GPC6: variants seen among roughly 807,000 people sequenced by gnomAD.
GPC6 encodes glypican-6.
A neutral mutation model predicts 55.2 loss-of-function variants in GPC6; 14 were observed. The observed-to-expected ratio is 0.25, with a 90% CI of 0.17 to 0.40. The LOEUF is 0.40. Ranked by LOEUF, GPC6 falls within the 10% of genes least tolerant of loss-of-function variation. The pLI, the probability that GPC6 is intolerant of heterozygous loss-of-function variation, is 1.00. For synonymous variants in GPC6, 278 were observed against 259.6 expected, an observed-to-expected ratio of 1.07 and a Z score of -0.68; for missense variants, 641 against 708.5, an observed-to-expected ratio of 0.90 and a Z score of 1.08.
chr13:94,120,835 A>C (rs1886606802), intron 4 of GPC6, among the ~76,000 whole-genome samples: 1 of 152,124 alleles, frequency 6.6e-6, no homozygotes, highest in Non-Finnish European at 1.5e-5. Flanking sequence ...TTCTCTGATT[A>C]AATAAGATAG....
chr13:94,237,951 G>C (rs770551041), intron 4 of GPC6, among the ~76,000 whole-genome samples: 1 of 152,114 alleles, frequency 6.6e-6, no homozygotes, highest in Non-Finnish European at 1.5e-5. Flanking sequence ...ATGCTGGCTC[G>C]AACTAAGGAG....
chr13:93,964,755 C>G (rs1251667137), intron 3 of GPC6, among the ~76,000 whole-genome samples: 1 of 152,140 alleles, frequency 6.6e-6, no homozygotes, highest in African/African-American at 2.4e-5. Context: ...GTTGTTTCTC[C>G]TATTTCTGAA....
chr13:94,111,390 C>T (rs909680900), intron 4 of GPC6, among the ~76,000 whole-genome samples: 2 of 151,458 alleles, frequency 1.3e-5, no homozygotes, highest in Non-Finnish European at 2.9e-5. Flanking sequence ...TGGGCTGACA[C>T]GTGCAGCAAA....
intron 2 of GPC6, among the ~76,000 whole-genome samples, chr13:93,779,824 T>G (rs543884655): frequency 1.4e-4 from 22 of 152,278 alleles, no homozygotes; most frequent in Middle Eastern, 3.4e-3. Context: ...CCCCAGGTCA[T>G]CTGGTGAATG....
intron 2 of GPC6, among the ~76,000 whole-genome samples, chr13:93,610,953 A>C (rs7334976): frequency 0.079 from 12,077 of 152,134 alleles, 1,581 homozygotes; most frequent in African/African-American, 0.27. Flanking sequence ...AGATATCAGA[A>C]ATTTATGACG....
Position 94,197,120 on chromosome 13 carries a change from TG to T in GPC6, c.878-89228del, listed in dbSNP as rs576224382. Among the ~76,000 whole-genome samples, 353 of 152,246 alleles carry T rather than the reference TG, an allele frequency of 2.3e-3. 1 individual carries two copies. Among genetic ancestry groups the T allele is most frequent in the Admixed American group, 2.5e-3 (38 of 15,294 alleles). ...AGGAAATTACTAAGGCTGCTAGGAC[TG>T]TAGGGAAGATGGAATGGGGTGAAAG... On this transcript the variant is annotated intron_variant, in intron 4 of 8. Coordinates refer to ENST00000377047, the MANE Select transcript of GPC6 (RefSeq NM_005708.5).
intron 3 of GPC6, among the ~76,000 whole-genome samples, chr13:93,959,259 T>C (rs1400381926): frequency 6.6e-6 from 1 of 150,588 alleles, no homozygotes; most frequent in Admixed American, 6.7e-5. Flanking sequence ...GCCTCCCGAG[T>C]TCAAGCGATT....
chr13:93,387,211 GGTTT>G (rs1167666989), intron 1 of GPC6, among the ~76,000 whole-genome samples: 1 of 151,346 alleles, frequency 6.6e-6, no homozygotes, highest in African/African-American at 2.4e-5. Context: ...AGACTGTGCA[GGTTT>G]GTTACATAGG....
rs563592002 is a variant in GPC6 at position 93,973,462 on chromosome 13, G to C, written c.712-54267G>C. The stretch of plus-strand genomic sequence containing the variant: ...GTGACAACAGGGTTAGAACTTTCTA[G>C]TCTTAATAATCAGATGCCCTTTGAT... On this transcript the variant is annotated intron_variant, in intron 3 of 8. Transcript: ENST00000377047. Among the ~76,000 whole-genome samples the C allele has an allele frequency of 4.9e-4, 74 of 152,160 alleles. 1 individual carries two copies. Among genetic ancestry groups the C allele is most frequent in the Non-Finnish European group, 9.4e-4 (64 of 68,012 alleles).
intron 4 of GPC6, among the ~76,000 whole-genome samples, chr13:94,052,229 G>A (rs940274733): frequency 2.0e-5 from 3 of 152,144 alleles, no homozygotes; most frequent in African/African-American, 7.2e-5. Context: ...TTTGAACTGG[G>A]TCTTAAAATA....
At chr13:93,811,948 A>G (rs1432120086) in intron 2 of GPC6, among the ~76,000 whole-genome samples, 1 of 152,172 alleles carries the variant, frequency 6.6e-6, no homozygotes, top group African/African-American at 2.4e-5. Flanking sequence ...GACATGAGGC[A>G]TATCTCAGCT....
At chr13:93,945,150 T>G (rs1878943258) in intron 3 of GPC6, among the ~76,000 whole-genome samples, 1 of 152,164 alleles carries the variant, frequency 6.6e-6, no homozygotes, top group Non-Finnish European at 1.5e-5. Flanking sequence ...AAAAAGAAAG[T>G]ATGCATATAT....
At chr13:93,223,973 C>T (rs1319668149), upstream of GPC6, among the ~76,000 whole-genome samples, 1 of 146,164 alleles carries the variant, frequency 6.8e-6, no homozygotes, top group African/African-American at 2.5e-5. Flanking sequence ...GATCTCGGCT[C>T]ACTGCAAGCT....
intron 1 of GPC6, among the ~76,000 whole-genome samples, chr13:93,374,227 G>T (rs181975925): frequency 2.0e-5 from 3 of 152,278 alleles, no homozygotes; most frequent in Middle Eastern, 3.4e-3. Flanking sequence ...ATCTGAAAAA[G>T]ACTTTAGAAA....
chr13:93,603,132 C>T (rs980075744), intron 2 of GPC6, among the ~76,000 whole-genome samples: 1 of 152,086 alleles, frequency 6.6e-6, no homozygotes, highest in Non-Finnish European at 1.5e-5. Flanking sequence ...ACATTGGCAT[C>T]CTGAGTAGCT....
At chr13:93,750,702 T>G (rs1884548027) in intron 2 of GPC6, among the ~76,000 whole-genome samples, 1 of 152,196 alleles carries the variant, frequency 6.6e-6, no homozygotes, top group African/African-American at 2.4e-5. Context: ...CAAGCCTGAT[T>G]AGTTTTAAAT....
At chr13:93,554,416 C>T (rs1222988085) in intron 2 of GPC6, among the ~76,000 whole-genome samples, 1 of 152,142 alleles carries the variant, frequency 6.6e-6, no homozygotes, top group Non-Finnish European at 1.5e-5. Flanking sequence ...CATCTCTAAT[C>T]TATCCACATG....
intron 1 of GPC6, among the ~76,000 whole-genome samples, chr13:93,233,355 A>AAATC (rs68097829): frequency 4.7e-5 from 4 of 84,876 alleles, no homozygotes; most frequent in South Asian, 7.6e-4. Flanking sequence ...AAAAAAAAAA[A>AAATC]AATCAAAATT....
At chr13:93,676,124 AAAATATATATATATATATATAT>A (rs1245554932) in intron 2 of GPC6, among the ~76,000 whole-genome samples, 225 of 9,778 alleles carry the variant, frequency 0.023, 8 homozygotes, top group South Asian at 0.063. Flanking sequence ...AAAAAAAAAA[AAAATATATATATATATATATAT>A]ATATATATAT....
Sources: allele counts gnomAD v4.1 joint callset (sites outside exome capture counted in the v4.1 genomes callset), GRCh38; gene constraint gnomAD v4.1.1; transcripts MANE v1.5; gene names NCBI Gene and HGNC (gene_info 2026-07-23, HGNC 2026-07-21).